PTPN12: variants seen among roughly 807,000 people sequenced by gnomAD.
PTPN12 encodes tyrosine-protein phosphatase non-receptor type 12.
Under a neutral mutation model 97.6 loss-of-function variants are expected in PTPN12, and 29 were observed. The observed-to-expected ratio is 0.30, with a 90% CI of 0.22 to 0.41. The LOEUF (loss-of-function observed/expected upper bound fraction) is 0.41. PTPN12 is among the 10% of genes least tolerant of loss of function. PTPN12 has a pLI of 1.00. For synonymous variants in PTPN12, 327 were observed against 300.4 expected, an observed-to-expected ratio of 1.09 and a Z score of -0.91; for missense variants, 819 against 926.0, an observed-to-expected ratio of 0.88 and a Z score of 1.50.
intron 1 of PTPN12, among the ~76,000 whole-genome samples, chr7:77,559,195 C>T (rs755617104): frequency 9.9e-5 from 15 of 152,192 alleles, no homozygotes; most frequent in Admixed American, 2.0e-4. Flanking sequence ...GTTGTCACAA[C>T]TTATTTCTGC....
At chr7:77,602,930 A>G (rs1236617722) in intron 8 of PTPN12, among the ~76,000 whole-genome samples, 1 of 152,200 alleles carries the variant, frequency 6.6e-6, no homozygotes, top group Non-Finnish European at 1.5e-5. Context: ...TTTATTATTT[A>G]CATAGTTAAA....
At chr7:77,573,352 T>C (rs978092608) in intron 2 of PTPN12, among the ~76,000 whole-genome samples, 1 of 152,178 alleles carries the variant, frequency 6.6e-6, no homozygotes, top group South Asian at 2.1e-4. Context: ...CCAGCAGATA[T>C]GCTGTCTAGT....
intron 2 of PTPN12, among the ~76,000 whole-genome samples, chr7:77,577,103 G>T (rs1002757061): frequency 3.3e-5 from 5 of 152,250 alleles, no homozygotes; most frequent in Middle Eastern, 3.4e-3. Flanking sequence ...CCCCTTCTTT[G>T]CTCTATGGTC....
At chr7:77,563,591 G>A (rs1016985951) in intron 1 of PTPN12, among the ~76,000 whole-genome samples, 3 of 152,204 alleles carry the variant, frequency 2.0e-5, no homozygotes, top group Non-Finnish European at 4.4e-5. Context: ...AATAAGTGAA[G>A]CATACATTTT....
At chr7:77,635,654 G>C in intron 14 of PTPN12, 128 bp from the exon 15 acceptor site, 1 of 512,710 alleles carries the variant, frequency 2.0e-6, no homozygotes, top group Non-Finnish European at 3.3e-6. Flanking sequence ...TGCTTACCCA[G>C]AAACTACAAA....
intron 1 of PTPN12, among the ~76,000 whole-genome samples, chr7:77,570,302 T>C (rs1808419048): frequency 1.3e-5 from 2 of 152,238 alleles, no homozygotes; most frequent in South Asian, 2.1e-4. Flanking sequence ...TATTTTTCAT[T>C]TTATTTGTAT....
intron 1 of PTPN12, among the ~76,000 whole-genome samples, chr7:77,547,057 C>T (rs920793903): frequency 6.6e-6 from 1 of 152,144 alleles, no homozygotes; most frequent in Non-Finnish European, 1.5e-5. Flanking sequence ...TATATCTAAT[C>T]GGCATTTAAA....
At chr7:77,621,550 T>G (rs972060857) in intron 12 of PTPN12, among the ~76,000 whole-genome samples, 5 of 151,948 alleles carry the variant, frequency 3.3e-5, no homozygotes, top group Non-Finnish European at 7.4e-5. Context: ...GCACCTGTAG[T>G]CTCAGCTACT....
intron 12 of PTPN12, among the ~76,000 whole-genome samples, chr7:77,625,472 G>GCTTGCGCGCGCTCTCTCTCTCTCTCT (rs1554326598): frequency 3.0e-5 from 1 of 33,528 alleles, no homozygotes; most frequent in African/African-American, 1.3e-4. Context: ...CAGGCTGCTC[G>GCTTGCGCGCGCTCTCTCTCTCTCTCT]CTCTCTCTCT....
chr7:77,601,050 A>G, intron 8 of PTPN12: 1 of 394,202 alleles, frequency 2.5e-6, no homozygotes, highest in Non-Finnish European at 4.6e-6. Flanking sequence ...GCTATAGAAC[A>G]TACTCTTTTT....
intron 5 of PTPN12, among the ~76,000 whole-genome samples, chr7:77,590,920 C>T (rs746398669): frequency 3.9e-5 from 6 of 152,032 alleles, no homozygotes; most frequent in Non-Finnish European, 7.4e-5. Context: ...GCCTGTGGTC[C>T]CAGCTACTCA....
intron 12 of PTPN12, among the ~76,000 whole-genome samples, chr7:77,625,467 T>C (rs1584211189): frequency 5.0e-5 from 1 of 19,918 alleles, no homozygotes; most frequent in African/African-American, 4.6e-4. Context: ...TTGCCCAGGC[T>C]GCTCGCTCTC....
intron 6 of PTPN12, among the ~76,000 whole-genome samples, chr7:77,595,490 T>G (rs1366869010): frequency 3.3e-5 from 5 of 152,182 alleles, no homozygotes; most frequent in African/African-American, 4.8e-5. Flanking sequence ...ATGTAAGCAC[T>G]TAGACTGGAT....
intron 14 of PTPN12, 34 bp from the exon 15 acceptor site, chr7:77,635,748 G>C (rs779550308): frequency 2.2e-6 from 3 of 1,362,314 alleles, no homozygotes; most frequent in South Asian, 2.8e-5. Context: ...AGAAATTCAA[G>C]GTGTTAATAA....
intron 12 of PTPN12, among the ~76,000 whole-genome samples, chr7:77,621,302 C>T (rs1788928972): frequency 6.6e-6 from 1 of 152,046 alleles, no homozygotes; most frequent in Non-Finnish European, 1.5e-5. Flanking sequence ...TTCTAGAATA[C>T]CTCCTGAAGA....
chr7:77,635,189 C>T (rs990318007), intron 14 of PTPN12, among the ~76,000 whole-genome samples: 38 of 152,282 alleles, frequency 2.5e-4, no homozygotes, highest in African/African-American at 8.9e-4. Flanking sequence ...CTTTGGGAGA[C>T]CAAGGCAGGT....
intron 5 of PTPN12, among the ~76,000 whole-genome samples, chr7:77,587,086 G>A (rs539674872): frequency 9.1e-4 from 138 of 151,550 alleles, no homozygotes; most frequent in Middle Eastern, 6.8e-3. Context: ...TTGATATTTC[G>A]ACCTCCTCCC....
chr7:77,579,958 C>G (rs1456959437), intron 2 of PTPN12, among the ~76,000 whole-genome samples: 1 of 152,090 alleles, frequency 6.6e-6, no homozygotes, highest in Non-Finnish European at 1.5e-5. Flanking sequence ...ATTACATAAC[C>G]CTGTATAAAT....
At chr7:77,616,580 A>G (rs1788758388) in intron 11 of PTPN12, among the ~76,000 whole-genome samples, 1 of 152,180 alleles carries the variant, frequency 6.6e-6, no homozygotes, top group South Asian at 2.1e-4. Flanking sequence ...TTTCATTGAC[A>G]TGACATGAGT....
Sources: gnomAD v4.1 joint callset for allele counts (sites outside exome capture counted in the v4.1 genomes callset) on GRCh38, gnomAD v4.1.1 for gene constraint, MANE v1.5 for transcripts, NCBI Gene and HGNC (gene_info 2026-07-23, HGNC 2026-07-21) for gene names.